ARPP21: variants seen among roughly 807,000 people sequenced by gnomAD.
The protein encoded by ARPP21 is cAMP regulated phosphoprotein 21.
ARPP21 carries 69 observed loss-of-function variants against 113.2 expected under a neutral mutation model. The ratio of observed to expected loss-of-function variants is 0.61; its 90% CI spans 0.50 to 0.74. The LOEUF is 0.74. Ranked by LOEUF, ARPP21 falls within the 30% of genes least tolerant of loss-of-function variation. The probability of loss-of-function intolerance (pLI) is 0.00; values close to 1 mark genes in which losing one functional copy is unlikely to be tolerated. For missense variants in ARPP21, 1,070 were observed against 1,037.4 expected (o/e 1.03, Z -0.43); for synonymous variants, 368 against 375.5 (o/e 0.98, Z 0.23).
At chr3:35,761,887 C>T (rs1341723908) in intron 19 of ARPP21, among the ~76,000 whole-genome samples, 3 of 151,970 alleles carry the variant, frequency 2.0e-5, no homozygotes, top group Non-Finnish European at 4.4e-5. Flanking sequence ...TTTATTGAGC[C>T]CCTACTAGGA....
intron 19 of ARPP21, chr3:35,781,646 G>A (rs1036875267): frequency 1.3e-5 from 2 of 152,112 alleles, no homozygotes; most frequent in Admixed American, 6.5e-5. Flanking sequence ...TGTTACCAAG[G>A]AAAATCATGA....
chr3:35,748,860 A>G (rs2095293121), intron 19 of ARPP21, among the ~76,000 whole-genome samples: 2 of 152,168 alleles, frequency 1.3e-5, no homozygotes, highest in Admixed American at 1.3e-4. Flanking sequence ...AATCACTACC[A>G]CAAGTTTGCA....
intron 15 of ARPP21, among the ~76,000 whole-genome samples, chr3:35,730,427 G>C (rs1269117987): frequency 6.6e-6 from 1 of 152,200 alleles, no homozygotes; most frequent in African/African-American, 2.4e-5. Context: ...CCAGTAGGTA[G>C]AGTACAGAAA....
chr3:35,745,965 A>G (rs565595296), intron 19 of ARPP21, among the ~76,000 whole-genome samples: 2 of 152,304 alleles, frequency 1.3e-5, no homozygotes, highest in Admixed American at 1.3e-4. Flanking sequence ...AGCAGCATCA[A>G]GCTAAATATA....
At chr3:35,704,317 T>C (rs1488933976) in intron 9 of ARPP21, among the ~76,000 whole-genome samples, 1 of 151,848 alleles carries the variant, frequency 6.6e-6, no homozygotes, top group African/African-American at 2.4e-5. Context: ...ACATTTTAGT[T>C]ATGTTGTAGA....
In ARPP21 at chr3:35,793,682, T is replaced by C; in HGVS notation, c.2287-19T>C. 6.2e-7 allele frequency: 1 copy of C among 1,604,318 alleles called. No individual in the cohort carries two copies. Among genetic ancestry groups the C allele is most frequent in the Non-Finnish European group, 8.5e-7 (1 of 1,171,110 alleles). On this transcript the variant is annotated intron_variant, in intron 20 of 20. Transcript: ENST00000684406. ...AAATAGTCTCTTCATACAGGGTTCTTGCTTGTGTCTTTTTACAGGTGCCAA... is the reference window on the plus strand; with the variant it reads ...AAATAGTCTCTTCATACAGGGTTCTCGCTTGTGTCTTTTTACAGGTGCCAA...
At position 35,704,738 on chromosome 3, in the gene ARPP21, G is replaced by A. The variant is rs147121179; in HGVS notation, c.687-2236G>A. 3.6e-3 allele frequency among the ~76,000 whole-genome samples: 553 copies of A among 151,856 alleles called. 3 individuals are homozygous for A. Among genetic ancestry groups the A allele is most frequent in the Non-Finnish European group, 5.6e-3 (380 of 67,848 alleles). On this transcript the variant is annotated intron_variant, in intron 9 of 20. Coordinates refer to ENST00000684406, the MANE Select transcript of ARPP21 (RefSeq NM_001385562.1). The stretch of plus-strand genomic sequence containing the variant: ...GAATTATAGTGATTTATGAATAGCC[G>A]CGCTAAATGTTCATTTGCTTATACA...
intron 19 of ARPP21, among the ~76,000 whole-genome samples, chr3:35,779,733 A>T (rs2016953): frequency 0.51 from 76,980 of 151,780 alleles, 21,891 homozygotes; most frequent in African/African-American, 0.77. Flanking sequence ...CACATTTACA[A>T]CCTAAAAAAC....
intron 9 of ARPP21, among the ~76,000 whole-genome samples, chr3:35,692,739 C>T (rs13094598): frequency 0.36 from 55,209 of 151,360 alleles, 11,255 homozygotes; most frequent in East Asian, 0.71. Context: ...ACCTGATCTG[C>T]CCGGTATGGT....
At position 35,794,233 on chromosome 3, in the gene ARPP21, G is replaced by T. The variant is rs2096797779; in HGVS notation, c.*275G>T. On this transcript the variant is annotated 3_prime_UTR_variant, in exon 21 of 21. Coordinates refer to ENST00000684406, the MANE Select transcript of ARPP21 (RefSeq NM_001385562.1). Reference sequence around the variant, plus strand: ...TCCTACCACTGAATACCACTGTGTAGATTATAATATCCCTAATTTGGATTA... The same window carrying T: ...TCCTACCACTGAATACCACTGTGTATATTATAATATCCCTAATTTGGATTA... 2.2e-6 allele frequency: 1 copy of T among 447,084 alleles called. No individual in the cohort carries two copies. The highest frequency in any genetic ancestry group is 4.0e-6 in the Non-Finnish European group (1 of 249,730). 27.7% of individuals were successfully genotyped at this position (447,084 alleles called of 1,614,324 possible). A position where few individuals can be genotyped will look rare whatever the true frequency, so the allele number is the denominator to read the frequency against.
intron 19 of ARPP21, among the ~76,000 whole-genome samples, chr3:35,778,590 G>A (rs1485462882): frequency 2.6e-5 from 4 of 152,134 alleles, no homozygotes; most frequent in Non-Finnish European, 4.4e-5. Context: ...TTCCTCACTT[G>A]TTGATCCCTC....
intron 1 of ARPP21, chr3:35,642,170 A>G (rs776162156): frequency 2.0e-5 from 3 of 152,150 alleles, no homozygotes; most frequent in Non-Finnish European, 2.9e-5. Context: ...TGTATGTGCT[A>G]TTAGATTTGC....
intron 13 of ARPP21, among the ~76,000 whole-genome samples, chr3:35,719,886 T>C (rs1160511887): frequency 1.3e-5 from 2 of 152,230 alleles, no homozygotes; most frequent in Non-Finnish European, 1.5e-5. Context: ...TAGTTTAACA[T>C]ACTCATGATT....
rs184863368 is a variant in ARPP21, at chr3:35,658,400, A to G, written c.-213+18002A>G. Among the ~76,000 whole-genome samples, 195 of 152,230 alleles carry G rather than the reference A, an allele frequency of 1.3e-3. 2 individuals are homozygous for G. The highest frequency in any genetic ancestry group is 3.7e-3 in the African/African-American group (153 of 41,552). ...TTCTTTTTGGCATTTTGTACATGAA[A>G]TAATGTATGAAAACATGATACCTAT... On this transcript the variant is annotated intron_variant, in intron 1 of 20. Transcript: ENST00000684406.
At chr3:35,693,687 T>G (rs2082939498) in intron 9 of ARPP21, among the ~76,000 whole-genome samples, 1 of 151,716 alleles carries the variant, frequency 6.6e-6, no homozygotes, top group African/African-American at 2.4e-5. Flanking sequence ...TGTCTTGGTT[T>G]TTTTGGTTTT....
chr3:35,669,529 C>T (rs1402568562), intron 1 of ARPP21, among the ~76,000 whole-genome samples: 2 of 152,086 alleles, frequency 1.3e-5, no homozygotes, highest in Non-Finnish European at 2.9e-5. Flanking sequence ...CGTTCAAAAC[C>T]ACACTTTCTT....
At chr3:35,762,892 G>C (rs551369283) in intron 19 of ARPP21, among the ~76,000 whole-genome samples, 1 of 152,218 alleles carries the variant, frequency 6.6e-6, no homozygotes, top group Non-Finnish European at 1.5e-5. Context: ...ATTATTCAAT[G>C]CTGGTGAGGA....
At chr3:35,667,876 A>G (rs60022254) in intron 1 of ARPP21, among the ~76,000 whole-genome samples, 2 of 135,820 alleles carry the variant, frequency 1.5e-5, no homozygotes, top group African/African-American at 6.5e-5. Context: ...AAGAAGAAGA[A>G]GAAGAAGAAG....
intron 18 of ARPP21, 87 bp from the exon 19 acceptor site, chr3:35,743,752 A>G (rs1378551313): frequency 6.9e-7 from 1 of 1,439,604 alleles, no homozygotes; most frequent in African/African-American, 1.4e-5. Context: ...AACCTACCAC[A>G]ATTATAAGAC....
Sources: allele counts gnomAD v4.1 joint callset (sites outside exome capture counted in the v4.1 genomes callset), GRCh38; gene constraint gnomAD v4.1.1; transcripts MANE v1.5; gene names NCBI Gene and HGNC (gene_info 2026-07-23, HGNC 2026-07-21).